VEZT: variants seen among roughly 807,000 people sequenced by gnomAD.
VEZT encodes the protein vezatin, adherens junctions transmembrane protein, also known as vezatin.
VEZT carries 39 observed loss-of-function variants against 79.9 expected under a neutral mutation model. That is an observed-to-expected ratio of 0.49 (90% confidence interval 0.38 to 0.64). The LOEUF (loss-of-function observed/expected upper bound fraction) is 0.64, where lower values mean the gene tolerates loss of function less well. Ranked by LOEUF, VEZT falls within the 30% of genes least tolerant of loss-of-function variation. The pLI is 0.00. For synonymous variants in VEZT, 325 were observed against 327.6 expected, an observed-to-expected ratio of 0.99 and a Z score of 0.09; for missense variants, 837 against 893.1, an observed-to-expected ratio of 0.94 and a Z score of 0.80.
At chr12:95,255,545 C>A (rs1229932443) in intron 2 of VEZT, among the ~76,000 whole-genome samples, 4 of 152,164 alleles carry the variant, frequency 2.6e-5, no homozygotes, top group South Asian at 2.1e-4. Context: ...GATTCTCCTG[C>A]CTCAGCCTCC....
chr12:95,266,617 C>T lies in VEZT; in HGVS notation c.695C>T (p.Ser232Phe). 1.2e-6 allele frequency: 2 copies of T among 1,610,304 alleles called. No individual in the cohort carries two copies. The highest frequency in any genetic ancestry group is 1.7e-6 in the Non-Finnish European group (2 of 1,178,918). The change falls in exon 5 of 12, where the codon TCC becomes TTC. Residue 232 changes from serine (S) to phenylalanine (F), a missense_variant. Transcript: ENST00000436874. ...CTCATTCAAGAAACCGAAGTGATTT[C>T]CAGAGGATTTACACTGTGAGTTCAT... Reference protein sequence around the residue: ...LRLIQETEVISRGFTLVSAAC... With the variant: ...LRLIQETEVIFRGFTLVSAAC...
At chr12:95,231,078 C>T (rs1312016308) in intron 1 of VEZT, among the ~76,000 whole-genome samples, 1 of 152,150 alleles carries the variant, frequency 6.6e-6, no homozygotes, top group African/African-American at 2.4e-5. Flanking sequence ...CTTAAGGTTA[C>T]TCTTTTTAAA....
chr12:95,244,849 AATTTGATCTAC>A (rs1380958718), intron 1 of VEZT, among the ~76,000 whole-genome samples: 2 of 152,084 alleles, frequency 1.3e-5, no homozygotes, highest in African/African-American at 4.8e-5. Context: ...GAAACTAAAT[AATTTGATCTAC>A]AGGATTTCCA....
intron 1 of VEZT, among the ~76,000 whole-genome samples, chr12:95,233,597 T>A (rs561825138): frequency 1.3e-5 from 2 of 152,064 alleles, no homozygotes; most frequent in Non-Finnish European, 2.9e-5. Context: ...ACACAAGGTT[T>A]CACCATGTTG....
Position 95,263,040 on chromosome 12 carries a change from A to G in VEZT, c.393A>G (p.Gly131=), listed in dbSNP as rs2064831656. The G allele has an allele frequency of 6.2e-7, 1 of 1,611,640 alleles. No individual in the cohort carries two copies. Among genetic ancestry groups the G allele is most frequent in the Non-Finnish European group, 8.5e-7 (1 of 1,178,320 alleles). ...GGCAATCTCAACAACAGGAAAATGG[A>G]CACCTTCCAACACTTTGCTCCCTGG... ...SAGQSQQQEN[G]HLPTLCSLAT... is the part of the protein sequence containing the mutation. Residue 131 remains glycine, a synonymous_variant, in exon 4 of 12, where the codon GGA becomes GGG. Transcript: ENST00000436874.
chr12:95,253,555 T>G (rs1251744179), intron 2 of VEZT, among the ~76,000 whole-genome samples: 1 of 152,292 alleles, frequency 6.6e-6, no homozygotes, highest in South Asian at 2.1e-4. Context: ...GGATTTGAGG[T>G]TACTTGGCAA....
Position 95,294,377 on chromosome 12 carries a change from G to T in VEZT, c.1623+5G>T. ...GATCCAATCCCAGAGGAGCAGGTAA[G>T]GGTGAAAATTACTGTTCTTTCCCTT... On this transcript the variant is annotated splice_donor_5th_base_variant and intron_variant, in intron 10 of 11. Transcript: ENST00000436874. 2 of 1,565,378 alleles carry T rather than the reference G, an allele frequency of 1.3e-6. No individual in the cohort carries two copies. Among genetic ancestry groups the T allele is most frequent in the Non-Finnish European group, 1.7e-6 (2 of 1,153,672 alleles).
At chr12:95,264,143 A>G (rs2065065371) in intron 4 of VEZT, among the ~76,000 whole-genome samples, 1 of 152,212 alleles carries the variant, frequency 6.6e-6, no homozygotes, top group Admixed American at 6.5e-5. Flanking sequence ...CTTCCCTGTC[A>G]CACTGACAAA....
In VEZT at chr12:95,239,948, AAGAGAGAGAGAGAGAG is replaced by A. The variant is rs140000740; in HGVS notation, c.37-11973_37-11958del. The stretch of plus-strand genomic sequence containing the variant: ...GCCTGAGCAACAGAGGGAGACTCGA[AAGAGAGAGAGAGAGAG>A]AGAGAGAGAGAGAGAGAGGAGAGAG... On this transcript the variant is annotated intron_variant, in intron 1 of 11. Coordinates refer to ENST00000436874, the MANE Select transcript of VEZT (RefSeq NM_017599.4). Among the ~76,000 whole-genome samples the A allele has an allele frequency of 1.8e-4, 21 of 119,970 alleles. 1 individual carries two copies. The highest frequency in any genetic ancestry group is 6.0e-4 in the African/African-American group (19 of 31,906). 78.7% of individuals were successfully genotyped at this position (119,970 alleles called of 152,430 possible). A position where few individuals can be genotyped will look rare whatever the true frequency, so the allele number is the denominator to read the frequency against.
intron 9 of VEZT, 84 bp downstream of exon 9, chr12:95,287,941 T>G: frequency 1.2e-5 from 15 of 1,216,368 alleles, no homozygotes; most frequent in Non-Finnish European, 1.6e-5. Context: ...AGACTTCTTG[T>G]CTTTATGATG....
At chr12:95,245,726 T>C (rs2061625084) in intron 1 of VEZT, among the ~76,000 whole-genome samples, 1 of 152,206 alleles carries the variant, frequency 6.6e-6, no homozygotes, top group African/African-American at 2.4e-5. Context: ...ATGCTTATAA[T>C]CCCAGTGACT....
rs185129598 is a variant in VEZT, at chr12:95,246,080, G to A, written c.37-5860G>A. On this transcript the variant is annotated intron_variant, in intron 1 of 11. Coordinates refer to ENST00000436874, the MANE Select transcript of VEZT (RefSeq NM_017599.4). ...CAAGCACTGCCATAAGTGAATGGTTGGACTTTATACATCTGGGAGATCTGA... is the reference window on the plus strand; with the variant it reads ...CAAGCACTGCCATAAGTGAATGGTTAGACTTTATACATCTGGGAGATCTGA... Among the ~76,000 whole-genome samples, 17 of 152,186 alleles carry A rather than the reference G, an allele frequency of 1.1e-4. No homozygotes were observed. In the East Asian group the frequency reaches 3.3e-3, roughly 29 times the overall value.
At chr12:95,269,461 G>T (rs1401560377) in intron 5 of VEZT, among the ~76,000 whole-genome samples, 2 of 152,164 alleles carry the variant, frequency 1.3e-5, no homozygotes, top group African/African-American at 4.8e-5. Context: ...GTAAGTGCCA[G>T]TGGCAGCAGG....
intron 1 of VEZT, chr12:95,224,060 T>G (rs913034363): frequency 7.4e-6 from 3 of 406,970 alleles, no homozygotes; most frequent in Non-Finnish European, 1.5e-5. Flanking sequence ...AGTATATAGT[T>G]GAGGGATTGA....
chr12:95,256,074 G>A (rs1479862996), intron 2 of VEZT, among the ~76,000 whole-genome samples: 1 of 150,342 alleles, frequency 6.7e-6, no homozygotes, highest in Non-Finnish European at 1.5e-5. Context: ...TTTTTGAGAT[G>A]CAGTTTCGCT....
intron 7 of VEZT, among the ~76,000 whole-genome samples, chr12:95,279,642 T>C (rs994093712): frequency 2.6e-5 from 4 of 152,232 alleles, no homozygotes; most frequent in Non-Finnish European, 5.9e-5. Flanking sequence ...ACACAGCTGG[T>C]GTGCAGTGGT....
intron 7 of VEZT, among the ~76,000 whole-genome samples, chr12:95,280,374 A>G (rs369883918): frequency 5.6e-4 from 85 of 151,424 alleles, no homozygotes; most frequent in African/African-American, 1.8e-3. Flanking sequence ...CTCATGGCTC[A>G]CTTCCTTCAG....
At chr12:95,258,369 C>G (rs1462765383) in intron 3 of VEZT, 1 of 434,422 alleles carries the variant, frequency 2.3e-6, no homozygotes, top group Non-Finnish European at 4.7e-6. Context: ...TTCTGTGTCA[C>G]TGGCCACATG....
At chr12:95,243,246 A>C (rs2061279682) in intron 1 of VEZT, among the ~76,000 whole-genome samples, 1 of 150,786 alleles carries the variant, frequency 6.6e-6, no homozygotes, top group Admixed American at 6.7e-5. Flanking sequence ...GTGGTGGTGC[A>C]TGCCTGTGGT....
Sources: gnomAD v4.1 joint callset for allele counts (sites outside exome capture counted in the v4.1 genomes callset) on GRCh38, gnomAD v4.1.1 for gene constraint, MANE v1.5 for transcripts, NCBI Gene and HGNC (gene_info 2026-07-23, HGNC 2026-07-21) for gene names.